Variants in DNAJC17 observed in about 807,000 individuals in gnomAD.
The protein encoded by DNAJC17 is dnaJ homolog subfamily C member 17.
DNAJC17 carries 35 observed loss-of-function variants against 48.1 expected under a neutral mutation model. The observed-to-expected ratio is 0.73, with a 90% confidence interval of 0.56 to 0.96. DNAJC17 has a LOEUF of 0.96. Ranked by LOEUF, DNAJC17 falls within the 50% of genes least tolerant of loss-of-function variation. The pLI is 0.00. For synonymous variants in DNAJC17, 117 were observed against 142.7 expected (o/e 0.82, Z 1.28); for missense variants, 355 against 377.1 (o/e 0.94, Z 0.48).
chr15:40,782,418 CTT>C (rs1425644860), intron 1 of DNAJC17, among the ~76,000 whole-genome samples: 2 of 151,980 alleles, frequency 1.3e-5, no homozygotes, highest in African/African-American at 4.8e-5. Context: ...AAGACTCTCT[CTT>C]AAATACATAG....
At chr15:40,776,072 G>A (rs1290658470) in intron 6 of DNAJC17, 124 bp downstream of exon 6, 11 of 834,606 alleles carry the variant, frequency 1.3e-5, no homozygotes, top group Admixed American at 2.2e-5. Context: ...AGGTACCATA[G>A]GGTGACCCCA....
At chr15:40,777,575 C>T (rs559642188) in intron 4 of DNAJC17, among the ~76,000 whole-genome samples, 24 of 151,964 alleles carry the variant, frequency 1.6e-4, no homozygotes, top group African/African-American at 5.8e-4. Flanking sequence ...AAAAATTAGC[C>T]GGGTGTGGTG....
intron 1 of DNAJC17, among the ~76,000 whole-genome samples, chr15:40,787,104 C>T (rs77600999): frequency 0.013 from 1,943 of 152,304 alleles, 42 homozygotes; most frequent in African/African-American, 0.042. Context: ...CAGCCCTTCC[C>T]TAGAAGTGCT....
intron 10 of DNAJC17, chr15:40,771,265 G>A: frequency 3.6e-6 from 2 of 555,072 alleles, no homozygotes; most frequent in South Asian, 2.3e-5. Context: ...TGGGGGGGCG[G>A]CCCTTCCTGG....
In DNAJC17 at chr15:40,770,967, C is replaced by G. The variant is rs1287365306; in HGVS notation, c.792+2760G>C. ...CAAAGTGGACCTGGGGATTTCACTT[C>G]TTGAGGAAGTTCTGCAGATGCTAAG... On this transcript the variant is annotated intron_variant, in intron 10 of 10. Transcript: ENST00000220496. This position sits in a 1 kb window ranked among gnomAD's most constrained non-coding sequence, Gnocchi z 5.0. 5 of 1,551,356 alleles carry G rather than the reference C, an allele frequency of 3.2e-6. No homozygotes were observed. In the South Asian group the frequency reaches 4.8e-5, roughly 15 times the overall value.
chr15:40,779,496 G>A, intron 3 of DNAJC17, 49 bp downstream of exon 3: 1 of 1,609,844 alleles, frequency 6.2e-7, no homozygotes, highest in Non-Finnish European at 8.5e-7. Context: ...AGAGGCAGCA[G>A]TGGTCTCTAA....
intron 1 of DNAJC17, among the ~76,000 whole-genome samples, chr15:40,786,022 G>A (rs991138823): frequency 2.0e-5 from 3 of 152,204 alleles, no homozygotes; most frequent in Non-Finnish European, 4.4e-5. Context: ...TTGGTGCTTT[G>A]TACTACAAAC....
In DNAJC17 at chr15:40,766,155, A is replaced by G; in HGVS notation, c.*1785T>C. 5.6e-6 allele frequency: 2 copies of G among 360,186 alleles called. No homozygotes were observed. Among genetic ancestry groups the G allele is most frequent in the Non-Finnish European group, 1.0e-5 (2 of 197,710 alleles). The allele number at this position is 360,186 out of a possible 1,614,324, so 22.3% of individuals were successfully genotyped here. On this transcript the variant is annotated 3_prime_UTR_variant, in exon 11 of 11. Coordinates refer to ENST00000220496, the MANE Select transcript of DNAJC17 (RefSeq NM_018163.3). ...CCACATCCTTACTGGAACCGCAGAA[A>G]CAGAGTCCGTTCCCTGGGTCTAGGA...
intron 4 of DNAJC17, among the ~76,000 whole-genome samples, chr15:40,778,106 T>A (rs1889380845): frequency 1.3e-5 from 2 of 151,746 alleles, no homozygotes; most frequent in Admixed American, 6.6e-5. Context: ...GCAGAAGGAC[T>A]GCTTGAGCCC....
chr15:40,781,113 T>C (rs895477979), intron 1 of DNAJC17, among the ~76,000 whole-genome samples: 9 of 133,040 alleles, frequency 6.8e-5, no homozygotes, highest in Non-Finnish European at 1.2e-4. Context: ...ATTGTGCCAC[T>C]ACACTCCAGC....
intron 1 of DNAJC17, among the ~76,000 whole-genome samples, chr15:40,790,633 TG>T: frequency 6.6e-6 from 1 of 152,304 alleles, no homozygotes; most frequent in Non-Finnish European, 1.5e-5. Flanking sequence ...CACCTTATGC[TG>T]GGCGAATCAC....
chr15:40,791,477 A>G (rs1323182944), intron 1 of DNAJC17, among the ~76,000 whole-genome samples: 1 of 152,066 alleles, frequency 6.6e-6, no homozygotes, highest in Non-Finnish European at 1.5e-5. Context: ...GCAGTGAGCC[A>G]AGATCGCACC....
In DNAJC17 at chr15:40,770,206, T is replaced by C. The variant is rs1227418085; in HGVS notation, c.793-2144A>G. The C allele has an allele frequency of 8.4e-6, 3 of 355,812 alleles. No homozygotes were observed. The highest frequency in any genetic ancestry group is 1.0e-5 in the Non-Finnish European group (2 of 195,872). The allele number at this position is 355,812 out of a possible 1,614,324, so 22.0% of individuals were successfully genotyped here. On this transcript the variant is annotated intron_variant, in intron 10 of 10. Transcript: ENST00000220496. This position sits in a 1 kb window ranked among gnomAD's most constrained non-coding sequence, Gnocchi z 5.0. ...GGCTCCAGTAAGTGCTGCTTCTTCC[T>C]CCTGGGTTTTTTTCCACTACCCTAT... is the stretch of plus-strand genomic sequence containing the variant.
intron 1 of DNAJC17, among the ~76,000 whole-genome samples, chr15:40,797,834 G>A (rs534921593): frequency 6.9e-6 from 1 of 144,432 alleles, no homozygotes; most frequent in East Asian, 2.2e-4. Context: ...CAATTCTCCC[G>A]CCTCACCCCC....
Position 40,767,125 on chromosome 15 carries a change from G to A in DNAJC17, c.*815C>T. Reference sequence around the variant, plus strand: ...CCCAGCAAGCAGCCAGCAAGTGTGAGTCACTACAAGAGTGGCCAGGCTGCC... The same window carrying A: ...CCCAGCAAGCAGCCAGCAAGTGTGAATCACTACAAGAGTGGCCAGGCTGCC... On this transcript the variant is annotated 3_prime_UTR_variant, in exon 11 of 11. Coordinates refer to ENST00000220496, the MANE Select transcript of DNAJC17 (RefSeq NM_018163.3). The A allele has an allele frequency of 8.0e-7, 1 of 1,254,416 alleles. No homozygotes were observed. Among genetic ancestry groups the A allele is most frequent in the Non-Finnish European group, 1.1e-6 (1 of 947,306 alleles). 77.7% of individuals were successfully genotyped at this position (1,254,416 alleles called of 1,614,324 possible). A position where few individuals can be genotyped will look rare whatever the true frequency, so the allele number is the denominator to read the frequency against.
rs1392414887 is a variant in DNAJC17 at position 40,770,261 on chromosome 15, G to A, written c.793-2199C>T. On this transcript the variant is annotated intron_variant, in intron 10 of 10. Transcript: ENST00000220496. The surrounding 1 kb of genome is among the most constrained non-coding windows in gnomAD (Gnocchi z 5.0). ...TAACCAGGCCACTCCTGTCCCTGTG[G>A]GAAACTCTTGCTGCCAGGAACTCCC... The A allele has an allele frequency of 1.8e-6, 1 of 560,342 alleles. No individual in the cohort carries two copies. Among genetic ancestry groups the A allele is most frequent in the African/African-American group, 1.9e-5 (1 of 53,102 alleles). 34.7% of individuals were successfully genotyped at this position (560,342 alleles called of 1,614,324 possible).
intron 1 of DNAJC17, among the ~76,000 whole-genome samples, chr15:40,798,836 C>T (rs993321965): frequency 1.1e-4 from 16 of 152,154 alleles, no homozygotes; most frequent in Admixed American, 5.9e-4. Context: ...TGGAATCTCT[C>T]TTGAAGGTTT....
chr15:40,781,328 T>C (rs1429467472), intron 1 of DNAJC17, among the ~76,000 whole-genome samples: 1 of 151,166 alleles, frequency 6.6e-6, no homozygotes, highest in African/African-American at 2.4e-5. Context: ...AGCAAAACCC[T>C]GTCTCTATTA....
chr15:40,779,637 TAA>T lies in DNAJC17; in HGVS notation c.149-36_149-35del, dbSNP rs1226756582. 1.9e-6 allele frequency: 3 copies of T among 1,604,468 alleles called. No individual in the cohort carries two copies. In the African/African-American group the frequency reaches 4.1e-5, roughly 22 times the overall value. On this transcript the variant is annotated intron_variant, in intron 2 of 10. Transcript: ENST00000220496. Reference sequence around the variant, plus strand: ...AAGGATCAAAAAGACAGAAGAAAAATAAAGTTAAGACTTCGTAATGGTGTGCT... The same window carrying T: ...AAGGATCAAAAAGACAGAAGAAAAATAGTTAAGACTTCGTAATGGTGTGCT...
Sources: gnomAD v4.1 joint callset for allele counts (sites outside exome capture counted in the v4.1 genomes callset) on GRCh38, gnomAD v4.1.1 for gene constraint, Gnocchi (gnomAD v3.1) non-coding constraint, MANE v1.5 for transcripts, NCBI Gene and HGNC (gene_info 2026-07-23, HGNC 2026-07-21) for gene names.